Variants in AGBL1 observed in about 807,000 individuals in gnomAD.
AGBL1 encodes AGBL carboxypeptidase 1, also known as cytosolic carboxypeptidase 4.
AGBL1 carries 130 observed loss-of-function variants against 118.9 expected under a neutral mutation model. The observed-to-expected ratio is 1.09, with a 90% CI of 0.95 to 1.26. The LOEUF (loss-of-function observed/expected upper bound fraction) is 1.26. Ranked by LOEUF, AGBL1 falls within the 50% of genes most tolerant of loss-of-function variation. AGBL1 has a pLI of 0.00. For missense variants in AGBL1, 1,584 were observed against 1,298.1 expected (o/e 1.22, Z -3.38); for synonymous variants, 555 against 478.9 (o/e 1.16, Z -2.08).
intron 22 of AGBL1, among the ~76,000 whole-genome samples, chr15:86,740,302 T>C (rs1302600299): frequency 6.6e-6 from 1 of 152,230 alleles, no homozygotes; most frequent in East Asian, 1.9e-4. Context: ...ATTAACTAGG[T>C]AACCATTAAC....
At chr15:86,314,254 GA>G (rs1295100360) in intron 17 of AGBL1, among the ~76,000 whole-genome samples, 4 of 152,184 alleles carry the variant, frequency 2.6e-5, no homozygotes, top group Non-Finnish European at 5.9e-5. Flanking sequence ...CAAACAAGAG[GA>G]GTTACCACAC....
chr15:86,336,757 G>A (rs60532971), intron 17 of AGBL1, among the ~76,000 whole-genome samples: 1,926 of 152,308 alleles, frequency 0.013, 54 homozygotes, highest in African/African-American at 0.043. Context: ...CCTTACAGAG[G>A]AGACTTAATG....
At chr15:86,574,633 G>A (rs28472330) in intron 21 of AGBL1, among the ~76,000 whole-genome samples, 55,795 of 140,106 alleles carry the variant, frequency 0.4, 13,223 homozygotes, top group African/African-American at 0.67. Context: ...GCTGGAGTGC[G>A]ATGGTGTGAT....
intron 22 of AGBL1, among the ~76,000 whole-genome samples, chr15:86,745,368 T>C (rs2077740588): frequency 6.6e-6 from 1 of 151,984 alleles, no homozygotes; most frequent in South Asian, 2.1e-4. Context: ...ATAGAAAATA[T>C]TAAGTGAAAC....
intron 15 of AGBL1, among the ~76,000 whole-genome samples, chr15:86,277,147 ATT>A (rs60962004): frequency 4.2e-5 from 6 of 143,338 alleles, no homozygotes; most frequent in South Asian, 2.3e-4. Flanking sequence ...TTATAATAAG[ATT>A]TTTTTTTTTT....
intron 18 of AGBL1, among the ~76,000 whole-genome samples, chr15:86,421,045 T>C (rs2081782133): frequency 6.6e-6 from 1 of 152,162 alleles, no homozygotes; most frequent in South Asian, 2.1e-4. Flanking sequence ...TTCAGGATAT[T>C]ATCCGGGAAA....
At chr15:86,119,442 C>A (rs756548845) in intron 1 of AGBL1, among the ~76,000 whole-genome samples, 1 of 151,956 alleles carries the variant, frequency 6.6e-6, no homozygotes, top group Non-Finnish European at 1.5e-5. Flanking sequence ...ATACTGCCAA[C>A]GGTTGCTGAG....
Position 86,754,789 on chromosome 15 carries a change from G to A in AGBL1, c.3158+80353G>A, listed in dbSNP as rs141898377. On this transcript the variant is annotated intron_variant, in intron 22 of 22. Coordinates refer to ENST00000614907, the MANE Select transcript of AGBL1 (RefSeq NM_001386094.1). ...ATCCTTTTATCTTTTTGTGTTCCCT[G>A]TTCAGAGGCACTGACCTTTTAGCTT... Among the ~76,000 whole-genome samples the A allele has an allele frequency of 7.6e-3, 1,154 of 152,124 alleles. 48 individuals carry two copies. Among genetic ancestry groups the A allele is most frequent in the Admixed American group, 0.069 (1,047 of 15,258 alleles).
At chr15:86,461,776 C>T (rs2082338008) in intron 18 of AGBL1, among the ~76,000 whole-genome samples, 4 of 152,088 alleles carry the variant, frequency 2.6e-5, no homozygotes, top group South Asian at 4.1e-4. Context: ...CTATGGTACC[C>T]TATTTTTTCT....
chr15:86,676,151 C>T (rs1458431755), intron 22 of AGBL1, among the ~76,000 whole-genome samples: 1 of 152,120 alleles, frequency 6.6e-6, no homozygotes, highest in African/African-American at 2.4e-5. Context: ...AGCTCCCAGT[C>T]TAGGAAAGAT....
intron 24 of AGBL1, among the ~76,000 whole-genome samples, chr15:87,020,254 A>G (rs766219879): frequency 6.0e-4 from 91 of 152,086 alleles, no homozygotes; most frequent in Non-Finnish European, 1.1e-3. Flanking sequence ...CAAAAATCAC[A>G]TGATTGTCTC....
chr15:87,002,545 C>T (rs11488901), intron 24 of AGBL1, among the ~76,000 whole-genome samples: 79,325 of 151,744 alleles, frequency 0.52, 22,687 homozygotes, highest in South Asian at 0.72. Flanking sequence ...GGGGATGGCA[C>T]TGAATCTATA....
intron 22 of AGBL1, among the ~76,000 whole-genome samples, chr15:86,741,684 T>C (rs1408517642): frequency 6.6e-6 from 1 of 152,000 alleles, no homozygotes; most frequent in African/African-American, 2.4e-5. Flanking sequence ...AAGAATTTAG[T>C]CCCTTACTGA....
intron 22 of AGBL1, among the ~76,000 whole-genome samples, chr15:86,799,034 C>T (rs1399031389): frequency 2.6e-5 from 4 of 151,694 alleles, no homozygotes; most frequent in South Asian, 2.1e-4. Context: ...TCGTTCAATA[C>T]CAGGGCATTT....
intron 23 of AGBL1, among the ~76,000 whole-genome samples, chr15:86,948,360 T>C (rs576300315): frequency 2.0e-5 from 3 of 152,278 alleles, no homozygotes; most frequent in East Asian, 3.9e-4. Context: ...AGAATTAAAA[T>C]GTAAATGGAC....
intron 22 of AGBL1, among the ~76,000 whole-genome samples, chr15:86,758,087 A>G (rs2077967501): frequency 6.6e-6 from 1 of 152,092 alleles, no homozygotes; most frequent in African/African-American, 2.4e-5. Flanking sequence ...AATGATCCCC[A>G]TGGCTTCCCA....
At chr15:86,767,943 A>G (rs2078119638) in intron 22 of AGBL1, among the ~76,000 whole-genome samples, 1 of 151,986 alleles carries the variant, frequency 6.6e-6, no homozygotes, top group Non-Finnish European at 1.5e-5. Flanking sequence ...TTCCTTGATT[A>G]AACCATGAAA....
chr15:86,833,982 A>C (rs2079139835), intron 22 of AGBL1, among the ~76,000 whole-genome samples: 1 of 152,186 alleles, frequency 6.6e-6, no homozygotes, highest in Non-Finnish European at 1.5e-5. Context: ...AGTTTCCTGC[A>C]GAACTGAAAG....
At chr15:86,286,180 T>C (rs1038105756) in intron 16 of AGBL1, among the ~76,000 whole-genome samples, 3 of 151,996 alleles carry the variant, frequency 2.0e-5, no homozygotes, top group African/African-American at 7.2e-5. Context: ...TCATTTTTAA[T>C]TGACAAATAA....
Sources: gnomAD v4.1 joint callset for allele counts (sites outside exome capture counted in the v4.1 genomes callset) on GRCh38, gnomAD v4.1.1 for gene constraint, MANE v1.5 for transcripts, NCBI Gene and HGNC (gene_info 2026-07-23, HGNC 2026-07-21) for gene names.